RBFOX1: variants seen among roughly 807,000 people sequenced by gnomAD.
The protein encoded by RBFOX1 is RNA binding fox-1 homolog 1.
Under a neutral mutation model 57.7 loss-of-function variants are expected in RBFOX1, and 8 were observed. The ratio of observed to expected loss-of-function variants is 0.14; its 90% CI spans 0.08 to 0.25. The LOEUF is 0.25. Among genes scored for constraint, RBFOX1 ranks in the 10% least tolerant of loss-of-function variants. RBFOX1 has a pLI of 1.00. For missense variants in RBFOX1, 611 were observed against 548.5 expected (o/e 1.11, Z -1.14); for synonymous variants, 326 against 222.4 (o/e 1.47, Z -4.15).
intron 3 of RBFOX1, among the ~76,000 whole-genome samples, chr16:6,864,026 A>T (rs1280501251): frequency 6.7e-6 from 1 of 148,898 alleles, no homozygotes; most frequent in African/African-American, 2.5e-5. Context: ...GCCTTGCAAA[A>T]CCTCTAATTA....
intron 4 of RBFOX1, among the ~76,000 whole-genome samples, chr16:7,448,927 G>GTTTTTTT (rs71147700): frequency 0.053 from 4,387 of 82,364 alleles, 174 homozygotes; most frequent in Non-Finnish European, 0.059. Context: ...TCTTTCCCCT[G>GTTTTTTT]TTTTTTTTTT....
rs200685520 is a variant in RBFOX1, at chr16:5,565,491, G to T, written c.259-33411G>T. Among the ~76,000 whole-genome samples, 56 of 152,174 alleles carry T rather than the reference G, an allele frequency of 3.7e-4. 1 individual carries two copies. In the East Asian group the frequency reaches 0.011, roughly 29 times the overall value. ...AAATACAAAATTAGCTGGGCATGGT[G>T]GCACCTGCGTATAATCCCAGCTACT... is the stretch of plus-strand genomic sequence containing the variant. On this transcript the variant is annotated intron_variant, in intron 2 of 2. Transcript: ENST00000585867.
At chr16:5,414,004 A>T (rs191070136) in intron 1 of RBFOX1, among the ~76,000 whole-genome samples, 1 of 152,302 alleles carries the variant, frequency 6.6e-6, no homozygotes, top group Non-Finnish European at 1.5e-5. Flanking sequence ...GGCTCTGGAA[A>T]GGTGTGAGTC....
intron 4 of RBFOX1, among the ~76,000 whole-genome samples, chr16:7,344,307 G>T (rs1348796002): frequency 6.7e-6 from 1 of 148,232 alleles, no homozygotes; most frequent in Non-Finnish European, 1.5e-5. Flanking sequence ...ATATAGTCAG[G>T]GCTAAAAAAA....
chr16:7,012,995 G>T (rs986312565), intron 3 of RBFOX1, among the ~76,000 whole-genome samples: 3 of 152,124 alleles, frequency 2.0e-5, no homozygotes, highest in African/African-American at 7.2e-5. Context: ...CGTTTCCTCA[G>T]TGTGTACAGG....
chr16:6,775,329 C>CAAAAAAAAAAAA (rs371277644), intron 3 of RBFOX1, among the ~76,000 whole-genome samples: 1 of 67,328 alleles, frequency 1.5e-5, no homozygotes, highest in Non-Finnish European at 3.0e-5. Context: ...GACTCTGTCT[C>CAAAAAAAAAAAA]AAAAAAAAAA....
At chr16:5,558,325 C>T (rs1450265333) in intron 2 of RBFOX1, among the ~76,000 whole-genome samples, 1 of 152,132 alleles carries the variant, frequency 6.6e-6, no homozygotes, top group African/African-American at 2.4e-5. Context: ...TTCTTAGACA[C>T]CCAACCCTAG....
intron 2 of RBFOX1, among the ~76,000 whole-genome samples, chr16:5,536,105 C>T (rs934957657): frequency 6.7e-6 from 1 of 149,804 alleles, no homozygotes; most frequent in Non-Finnish European, 1.5e-5. Context: ...GCCCCCCCCC[C>T]CTTTTTTTTC....
chr16:6,436,680 C>T (rs913896701), intron 2 of RBFOX1, among the ~76,000 whole-genome samples: 1 of 151,956 alleles, frequency 6.6e-6, no homozygotes, highest in Non-Finnish European at 1.5e-5. Flanking sequence ...GTCAATACCC[C>T]AATGGACTGT....
rs57153737 is a variant in RBFOX1, at chr16:5,668,321, A to G, written c.318+69360A>G. Among the ~76,000 whole-genome samples, 139 of 152,296 alleles carry G rather than the reference A, an allele frequency of 9.1e-4. 1 individual carries two copies. Among genetic ancestry groups the G allele is most frequent in the African/African-American group, 3.1e-3 (130 of 41,556 alleles). On this transcript the variant is annotated intron_variant, in intron 3 of 19. Transcript: ENST00000641259. ...ACCAATTTAAAAAAAAAGAATTGCT[A>G]AAATATATAATTAAGGTCATCTCTG...
chr16:6,033,735 A>T (rs954884403), intron 1 of RBFOX1, among the ~76,000 whole-genome samples: 1 of 152,212 alleles, frequency 6.6e-6, no homozygotes, highest in Non-Finnish European at 1.5e-5. Context: ...GAAGCGCTAC[A>T]TGGAATATCT....
chr16:7,575,925 A>G (rs2093296138), intron 5 of RBFOX1, among the ~76,000 whole-genome samples: 1 of 151,864 alleles, frequency 6.6e-6, no homozygotes, highest in Non-Finnish European at 1.5e-5. Flanking sequence ...GCTTAGTACC[A>G]TTAGTGTCCT....
At chr16:6,601,775 A>C (rs1299136940) in intron 2 of RBFOX1, among the ~76,000 whole-genome samples, 8 of 152,220 alleles carry the variant, frequency 5.3e-5, no homozygotes, top group Non-Finnish European at 8.8e-5. Flanking sequence ...AGCTGAGTTT[A>C]ACCAAAGCAA....
chr16:6,208,520 C>T (rs975097488), intron 1 of RBFOX1, among the ~76,000 whole-genome samples: 1 of 152,154 alleles, frequency 6.6e-6, no homozygotes, highest in African/African-American at 2.4e-5. Flanking sequence ...CTGTCCCCAT[C>T]TGGGAACAGG....
chr16:5,905,961 A>G (rs898585972), intron 4 of RBFOX1, among the ~76,000 whole-genome samples: 1 of 152,210 alleles, frequency 6.6e-6, no homozygotes, highest in Non-Finnish European at 1.5e-5. Context: ...TTGGCTGCCC[A>G]AAGCCCTACC....
At position 7,653,704 on chromosome 16, in the gene RBFOX1, G is replaced by C. The variant is rs746106749; in HGVS notation, c.758-111G>C. ...TCTTGATTCCGGGAAGCGGGCGGGG[G>C]TCCTGCTGGGACCCTGTGCAGGGAC... On this transcript the variant is annotated intron_variant, in intron 11 of 15. Transcript: ENST00000550418. 2.0e-6 allele frequency: 3 copies of C among 1,482,168 alleles called. No individual in the cohort carries two copies. In the East Asian group the frequency reaches 7.2e-5, roughly 35 times the overall value. 91.8% of individuals were successfully genotyped at this position (1,482,168 alleles called of 1,614,324 possible).
intron 2 of RBFOX1, among the ~76,000 whole-genome samples, chr16:5,495,034 A>T (rs1048647011): frequency 4.6e-5 from 7 of 152,146 alleles, no homozygotes; most frequent in African/African-American, 1.7e-4. Context: ...GCTATAAAAG[A>T]CATACCTCAG....
intron 4 of RBFOX1, among the ~76,000 whole-genome samples, chr16:7,124,938 G>A (rs1233184716): frequency 6.6e-6 from 1 of 152,132 alleles, no homozygotes; most frequent in Non-Finnish European, 1.5e-5. Flanking sequence ...CCTGGAAGAA[G>A]TGGTGCCATT....
At chr16:6,494,656 G>A (rs73526539) in intron 2 of RBFOX1, among the ~76,000 whole-genome samples, 3,227 of 152,276 alleles carry the variant, frequency 0.021, 116 homozygotes, top group African/African-American at 0.074. Context: ...ACAGGTTTTT[G>A]CGTGACCGTG....
Sources: allele counts gnomAD v4.1 joint callset (sites outside exome capture counted in the v4.1 genomes callset), GRCh38; gene constraint gnomAD v4.1.1; transcripts MANE v1.5; gene names NCBI Gene and HGNC (gene_info 2026-07-23, HGNC 2026-07-21).